The following WDR19 variants were observed in gnomAD, a reference collection of about 807,000 sequenced individuals.
WDR19 encodes WD repeat domain 19.
In WDR19, 121 loss-of-function variants were observed where a neutral mutation model predicts 180.0. The observed-to-expected ratio is 0.67, with a 90% CI of 0.58 to 0.78. WDR19 has a LOEUF of 0.78. Ranked by LOEUF, WDR19 falls within the 30% of genes least tolerant of loss-of-function variation. WDR19 has a pLI of 0.00. For missense variants in WDR19, 1,450 were observed against 1,640.7 expected (o/e 0.88, Z 2.01); for synonymous variants, 497 against 540.7 (o/e 0.92, Z 1.12).
intron 2 of WDR19, among the ~76,000 whole-genome samples, chr4:39,186,142 A>G (rs1725514938): frequency 6.6e-6 from 1 of 152,192 alleles, no homozygotes; most frequent in African/African-American, 2.4e-5. Context: ...AGGAGAAAAC[A>G]CTGAAATCAT....
chr4:39,267,228 C>T (rs182453010), intron 29 of WDR19, among the ~76,000 whole-genome samples: 1 of 152,358 alleles, frequency 6.6e-6, no homozygotes, highest in African/African-American at 2.4e-5. Flanking sequence ...CCTCCTTCCC[C>T]TTTGCTTTAT....
chr4:39,263,398 T>A (rs1046899644), intron 28 of WDR19, among the ~76,000 whole-genome samples: 5 of 152,178 alleles, frequency 3.3e-5, no homozygotes, highest in Non-Finnish European at 5.9e-5. Flanking sequence ...CTCAGAACAC[T>A]GCATCTTCTG....
intron 28 of WDR19, among the ~76,000 whole-genome samples, chr4:39,261,282 G>A (rs990901555): frequency 3.3e-5 from 5 of 151,810 alleles, no homozygotes; most frequent in Admixed American, 6.6e-5. Context: ...GTGAGCCACC[G>A]CGCCCGGCCT....
intron 14 of WDR19, among the ~76,000 whole-genome samples, chr4:39,223,690 G>A (rs1415792968): frequency 6.6e-6 from 1 of 152,130 alleles, no homozygotes; most frequent in Non-Finnish European, 1.5e-5. Flanking sequence ...GAACATATCT[G>A]TCTCTATTTC....
chr4:39,198,235 T>TA (rs1254765850), intron 5 of WDR19, among the ~76,000 whole-genome samples: 1 of 152,182 alleles, frequency 6.6e-6, no homozygotes, highest in Non-Finnish European at 1.5e-5. Flanking sequence ...TAAGTAAAGT[T>TA]AACTTCACTG....
intron 29 of WDR19, among the ~76,000 whole-genome samples, 173 bp downstream of exon 29, chr4:39,266,313 GGAA>G (rs1466799572): frequency 6.6e-6 from 1 of 152,022 alleles, no homozygotes; most frequent in Non-Finnish European, 1.5e-5. Flanking sequence ...GGGTCACATT[GGAA>G]GAAGAAGAAT....
rs769807270 is a variant in WDR19 at position 39,253,983 on chromosome 4, C to T, written c.2954C>T (p.Thr985Ile). Residue 985 changes from threonine to isoleucine, a missense_variant, in exon 26 of 37, where the codon ACA becomes ATA. Transcript: ENST00000399820. ...TCCAAATGCAACAATGAAGCTTTCA[C>T]ACTGGCTCAGCAACACAACAAAATG... Reference protein sequence around the residue: ...VMSKCNNEAFTLAQQHNKMEI... With the variant: ...VMSKCNNEAFILAQQHNKMEI... The T allele has an allele frequency of 1.2e-6, 2 of 1,612,828 alleles. No homozygotes were observed. Among genetic ancestry groups the T allele is most frequent in the Non-Finnish European group, 1.7e-6 (2 of 1,179,058 alleles).
chr4:39,268,638 T>C (rs950813813), intron 30 of WDR19, among the ~76,000 whole-genome samples: 1 of 152,222 alleles, frequency 6.6e-6, no homozygotes, highest in Non-Finnish European at 1.5e-5. Context: ...CTTAAATCTT[T>C]ATAAATGTGG....
At position 39,185,765 on chromosome 4, in the gene WDR19, C is replaced by G; in HGVS notation, c.46C>G (p.Pro16Ala). 6.4e-7 allele frequency: 1 copy of G among 1,559,504 alleles called. No homozygotes were observed. ...SLLEKTWLGA[P>A]IQFAWQKTSG... is the part of the protein sequence containing the mutation. ...GCTAGAAAAGACTTGGCTTGGCGCACCAATACAGTTTGCCTGGCAAAAAAC... is the reference window on the plus strand; with the variant it reads ...GCTAGAAAAGACTTGGCTTGGCGCAGCAATACAGTTTGCCTGGCAAAAAAC... The change falls in exon 2 of 37, where the codon CCA (proline) becomes GCA (alanine). Residue 16 changes from proline (P) to alanine (A), a missense_variant. Coordinates refer to ENST00000399820, the MANE Select transcript of WDR19 (RefSeq NM_025132.4).
At position 39,278,570 on chromosome 4, in the gene WDR19, T is replaced by A; in HGVS notation, c.3949T>A (p.Cys1317Ser). ...AAACACTGAAAGCACATGTCCTATG[T>A]GTTCAGAAAGATTAAACGCTGCTCA... ...MLNTESTCPM[C>S]SERLNAAQLK... is the part of the protein sequence containing the mutation. Residue 1317 changes from cysteine (C) to serine (S), a missense_variant, in exon 36 of 37, where the codon TGT (cysteine) becomes AGT (serine). Cys to Ser is a moderately radical substitution (Grantham distance 112). Coordinates refer to ENST00000399820, the MANE Select transcript of WDR19 (RefSeq NM_025132.4). 6.2e-7 allele frequency: 1 copy of A among 1,613,720 alleles called. No homozygotes were observed. Among genetic ancestry groups the A allele is most frequent in the East Asian group, 2.2e-5 (1 of 44,876 alleles).
chr4:39,231,848 G>T lies in WDR19; in HGVS notation c.2034G>T (p.Trp678Cys). The change falls in exon 18 of 37, where the codon TGG (tryptophan) becomes TGT (cysteine). Residue 678 changes from tryptophan (W) to cysteine (C), a missense_variant. Trp to Cys is a radical substitution (Grantham distance 215). Transcript: ENST00000399820. ...MCRILNDEAA[W>C]NELARACLHH... ...GGATTCTGAATGATGAGGCTGCCTGGAATGAGTTGGCCAGAGCTTGTCTAC... is the reference window on the plus strand; with the variant it reads ...GGATTCTGAATGATGAGGCTGCCTGTAATGAGTTGGCCAGAGCTTGTCTAC... The T allele has an allele frequency of 1.9e-6, 3 of 1,607,442 alleles. No individual in the cohort carries two copies. In the South Asian group the frequency reaches 3.3e-5, roughly 18 times the overall value.
At chr4:39,282,208 A>G (rs553749948) in intron 36 of WDR19, among the ~76,000 whole-genome samples, 16 of 152,342 alleles carry the variant, frequency 1.1e-4, no homozygotes, top group Non-Finnish European at 2.2e-4. Context: ...AAGGTATTAC[A>G]TAGGATAAGT....
intron 14 of WDR19, among the ~76,000 whole-genome samples, chr4:39,220,797 C>T (rs867738868): frequency 6.7e-6 from 1 of 150,038 alleles, no homozygotes; most frequent in African/African-American, 2.4e-5. Context: ...CGCAAGGCAC[C>T]GTGCCCAGCT....
At chr4:39,258,222 G>A (rs1171927167) in intron 28 of WDR19, among the ~76,000 whole-genome samples, 3 of 151,800 alleles carry the variant, frequency 2.0e-5, no homozygotes, top group Admixed American at 1.3e-4. Context: ...GTGCAATCTC[G>A]GCTCACTGCA....
At chr4:39,201,776 G>A (rs774483734) in intron 6 of WDR19, among the ~76,000 whole-genome samples, 46 of 151,692 alleles carry the variant, frequency 3.0e-4, no homozygotes, top group African/African-American at 1.0e-3. Flanking sequence ...TATTTTTTCC[G>A]TATAGCATTC....
intron 17 of WDR19, 121 bp downstream of exon 17, chr4:39,228,811 T>G: frequency 2.5e-6 from 3 of 1,199,432 alleles, no homozygotes; most frequent in Non-Finnish European, 3.4e-6. Context: ...AGAATTTTTT[T>G]TTTTTTTGTA....
chr4:39,221,296 T>G (rs1729681848), intron 14 of WDR19, among the ~76,000 whole-genome samples: 1 of 152,130 alleles, frequency 6.6e-6, no homozygotes. Context: ...TACTGAAGAT[T>G]GAGAGGCTAG....
intron 28 of WDR19, among the ~76,000 whole-genome samples, chr4:39,257,973 A>AC (rs1307813664): frequency 6.7e-6 from 1 of 150,096 alleles, no homozygotes; most frequent in African/African-American, 2.5e-5. Context: ...TCCACATGTC[A>AC]CCCCCCAGTC....
intron 20 of WDR19, among the ~76,000 whole-genome samples, chr4:39,238,701 A>G (rs778015556): frequency 6.6e-6 from 1 of 152,204 alleles, no homozygotes; most frequent in Non-Finnish European, 1.5e-5. Context: ...ATGTCCTTGT[A>G]CATTAATAGA....
Sources: gnomAD v4.1 joint callset for allele counts (sites outside exome capture counted in the v4.1 genomes callset) on GRCh38, gnomAD v4.1.1 for gene constraint, MANE v1.5 for transcripts, NCBI Gene and HGNC (gene_info 2026-07-23, HGNC 2026-07-21) for gene names.